The following DLGAP3 variants were observed in gnomAD, a reference collection of about 807,000 sequenced individuals.
DLGAP3 encodes DLG associated protein 3, also known as disks large-associated protein 3.
Under a neutral mutation model 81.2 loss-of-function variants are expected in DLGAP3, and 17 were observed. That is an observed-to-expected ratio of 0.21 (90% CI 0.14 to 0.31). The LOEUF is 0.31. Among genes scored for constraint, DLGAP3 ranks in the 10% least tolerant of loss-of-function variants. DLGAP3 has a pLI of 1.00. For missense variants in DLGAP3, 1,124 were observed against 1,388.0 expected (o/e 0.81, Z 3.02); for synonymous variants, 577 against 587.4 (o/e 0.98, Z 0.26).
At chr1:34,888,645 T>C (rs1639269754) in intron 5 of DLGAP3, among the ~76,000 whole-genome samples, 2 of 152,334 alleles carry the variant, frequency 1.3e-5, no homozygotes, top group South Asian at 4.1e-4. Context: ...TACAAGTGTA[T>C]GGAAATCCCA....
rs1180704987 is a variant in DLGAP3 at position 34,873,967 on chromosome 1, CT to C, written c.2001-4879del. On this transcript the variant is annotated intron_variant, in intron 8 of 11. Coordinates refer to ENST00000373347, the MANE Select transcript of DLGAP3 (RefSeq NM_001080418.3). This position sits in a 1 kb window ranked among gnomAD's most constrained non-coding sequence, Gnocchi z 4.2. ...CACATGGCTACTTTGAATAAAGATT[CT>C]TTCCCAATCTCCCTACCAACTAAAT... Among the ~76,000 whole-genome samples, 1 of 152,218 alleles carries C rather than the reference CT, an allele frequency of 6.6e-6. No homozygotes were observed. The highest frequency in any genetic ancestry group is 1.5e-5 in the Non-Finnish European group (1 of 68,038).
At chr1:34,903,241 T>C (rs1384412776) in intron 3 of DLGAP3, among the ~76,000 whole-genome samples, 1 of 152,200 alleles carries the variant, frequency 6.6e-6, no homozygotes, top group Non-Finnish European at 1.5e-5. Context: ...GTGAGGTGTC[T>C]CCTCTGTGTT....
chr1:34,889,221 C>G (rs11264152), intron 5 of DLGAP3, among the ~76,000 whole-genome samples: 3,850 of 152,226 alleles, frequency 0.025, 172 homozygotes, highest in African/African-American at 0.087. Context: ...TACTCACAAC[C>G]AATTCTATCC....
At position 34,904,411 on chromosome 1, in the gene DLGAP3, G is replaced by C. The variant is rs773700330; in HGVS notation, c.973C>G (p.Gln325Glu). 14 of 1,613,908 alleles carry C rather than the reference G, an allele frequency of 8.7e-6. No individual in the cohort carries two copies. Among genetic ancestry groups the C allele is most frequent in the Admixed American group, 1.7e-5 (1 of 60,014 alleles). ...TGCCAGGCACTTCGCTTGACCGACT[G>C]TCCATCCAGTGACATGGACATGCCA... is the stretch of plus-strand genomic sequence containing the variant. ...CTGMSMSLDG[Q>E]SVKRSAWHTM... The change falls in exon 3 of 12, where the codon CAG becomes GAG. Residue 325 changes from glutamine (Q) to glutamate (E), a missense_variant. Physicochemically the swap from Gln to Glu is conservative, Grantham distance 29 (BLOSUM62 2). Transcript: ENST00000373347. The surrounding 1 kb of genome is among the most constrained non-coding windows in gnomAD (Gnocchi z 8.1).
rs946271191 is a variant in DLGAP3, at chr1:34,904,183, C to A, written c.1107+94G>T. On this transcript the variant is annotated intron_variant, in intron 3 of 11. Coordinates refer to ENST00000373347, the MANE Select transcript of DLGAP3 (RefSeq NM_001080418.3). The surrounding 1 kb of genome is among the most constrained non-coding windows in gnomAD (Gnocchi z 8.1). ...ACACCCAGGCCCTCCATCACAGGGA[C>A]AGCTGGCTCCCACCCAACCCTTTCC... 2 of 1,495,114 alleles carry A rather than the reference C, an allele frequency of 1.3e-6. No individual in the cohort carries two copies. The highest frequency in any genetic ancestry group is 1.8e-6 in the Non-Finnish European group (2 of 1,086,488). 92.6% of individuals were successfully genotyped at this position (1,495,114 alleles called of 1,614,324 possible). A position where few individuals can be genotyped will look rare whatever the true frequency, so the allele number is the denominator to read the frequency against.
At chr1:34,881,939 T>C (rs1281430690) in intron 8 of DLGAP3, among the ~76,000 whole-genome samples, 2 of 152,188 alleles carry the variant, frequency 1.3e-5, no homozygotes, top group African/African-American at 2.4e-5. Flanking sequence ...GCAAACATCA[T>C]CTTGAAAAAC....
intron 1 of DLGAP3, among the ~76,000 whole-genome samples, chr1:34,925,746 G>C (rs566519690): frequency 6.6e-6 from 1 of 152,284 alleles, no homozygotes; most frequent in South Asian, 2.1e-4. Flanking sequence ...AGAAGCAGGG[G>C]CCTTTGGGAG....
At chr1:34,903,278 T>C (rs1486852957) in intron 3 of DLGAP3, among the ~76,000 whole-genome samples, 1 of 152,168 alleles carries the variant, frequency 6.6e-6, no homozygotes, top group Non-Finnish European at 1.5e-5. Flanking sequence ...CTCTCCCCTA[T>C]CACAGCCTCA....
At position 34,895,836 on chromosome 1, in the gene DLGAP3, G is replaced by C. The variant is rs575696853; in HGVS notation, c.1386+3833C>G. 3.3e-5 allele frequency among the ~76,000 whole-genome samples: 5 copies of C among 151,876 alleles called. No individual in the cohort carries two copies. In the South Asian group the frequency reaches 1.0e-3, roughly 32 times the overall value. On this transcript the variant is annotated intron_variant, in intron 5 of 11. Coordinates refer to ENST00000373347, the MANE Select transcript of DLGAP3 (RefSeq NM_001080418.3). The surrounding 1 kb of genome is among the most constrained non-coding windows in gnomAD (Gnocchi z 4.5). ...AAGAAATTTCAATGAGGACATAAAA[G>C]CCTTTTCAACAAATGATGCTGGGAA...
chr1:34,878,079 T>C (rs771197622), intron 8 of DLGAP3, among the ~76,000 whole-genome samples: 7 of 152,066 alleles, frequency 4.6e-5, no homozygotes, highest in Non-Finnish European at 1.0e-4. Context: ...CTGAGCCGGG[T>C]GGATCACCTA....
rs200442780 is a variant in DLGAP3 at position 34,868,707 on chromosome 1, C to T, written c.2383G>A (p.Gly795Ser). Residue 795 changes from glycine (G) to serine (S), a missense_variant, in exon 9 of 12, where the codon GGC (glycine) becomes AGC (serine). Coordinates refer to ENST00000373347, the MANE Select transcript of DLGAP3 (RefSeq NM_001080418.3). The surrounding 1 kb of genome is among the most constrained non-coding windows in gnomAD (Gnocchi z 7.5). ...CGCAGCATCTTGATGAACCACTCGC[C>T]GTCGCGTGGGCAGGGGGATGCGCGG... ...SGRASPCPRD[G>S]EWFIKMLRAE... is the part of the protein sequence containing the mutation. 25 of 1,611,156 alleles carry T rather than the reference C, an allele frequency of 1.6e-5. No homozygotes were observed. The highest frequency in any genetic ancestry group is 6.7e-5 in the Admixed American group (4 of 60,002).
chr1:34,905,996 G>A (rs1639545908), intron 2 of DLGAP3, among the ~76,000 whole-genome samples: 1 of 45,072 alleles, frequency 2.2e-5, no homozygotes. Flanking sequence ...AGGCAACAGA[G>A]CGAGACCTGG....
chr1:34,879,487 G>A (rs901155267), intron 8 of DLGAP3, among the ~76,000 whole-genome samples: 1 of 152,234 alleles, frequency 6.6e-6, no homozygotes, highest in South Asian at 2.1e-4. Context: ...CCTGGTTCCC[G>A]ACAGGCCATG....
At chr1:34,866,398 C>A in intron 11 of DLGAP3, 97 bp from the exon 12 acceptor site, 2 of 1,040,396 alleles carry the variant, frequency 1.9e-6, no homozygotes, top group Non-Finnish European at 2.7e-6. Flanking sequence ...CTGACGACCG[C>A]GTGGCTCCGA....
intron 2 of DLGAP3, among the ~76,000 whole-genome samples, chr1:34,906,422 C>T (rs1011022659): frequency 2.0e-5 from 3 of 152,114 alleles, no homozygotes; most frequent in Non-Finnish European, 2.9e-5. Flanking sequence ...ATCTACATAT[C>T]CAGCACCATC....
rs375121949 is a variant in DLGAP3, at chr1:34,882,226, C to T, written c.2000+2752G>A. On this transcript the variant is annotated intron_variant, in intron 8 of 11. Transcript: ENST00000373347. ...GTGTGGTAGCTCACGCCTGTAATCCCAGCACTTTGGGAGGCCGAGGCGGGC... is the reference window on the plus strand; with the variant it reads ...GTGTGGTAGCTCACGCCTGTAATCCTAGCACTTTGGGAGGCCGAGGCGGGC... 3.0e-3 allele frequency among the ~76,000 whole-genome samples: 450 copies of T among 152,298 alleles called. 1 individual carries two copies. Among genetic ancestry groups the T allele is most frequent in the Middle Eastern group, 0.01 (3 of 294 alleles).
In DLGAP3 at chr1:34,886,253, G is replaced by A. The variant is rs750202941; in HGVS notation, c.1419C>T (p.Ala473=). 2 of 1,606,084 alleles carry A rather than the reference G, an allele frequency of 1.2e-6. No homozygotes were observed. Among genetic ancestry groups the A allele is most frequent in the Non-Finnish European group, 1.7e-6 (2 of 1,176,312 alleles). The change falls in exon 6 of 12, where the codon GCC becomes GCT. Residue 473 remains alanine, a synonymous_variant. Transcript: ENST00000373347. ...GCTCCCCAAACACCGACCCGCACAC[G>A]GCCTCCAGCTGCTGGTTCAACTCAT... is the stretch of plus-strand genomic sequence containing the variant. ...LSDELNQQLE[A]VCGSVFGELE... is the part of the protein sequence containing the mutation.
Position 34,904,179 on chromosome 1 carries a change from G to A in DLGAP3, c.1107+98C>T. 2.7e-6 allele frequency: 4 copies of A among 1,479,316 alleles called. No individual in the cohort carries two copies. Among genetic ancestry groups the A allele is most frequent in the Non-Finnish European group, 3.7e-6 (4 of 1,072,078 alleles). 91.6% of individuals were successfully genotyped at this position (1,479,316 alleles called of 1,614,324 possible). A position where few individuals can be genotyped will look rare whatever the true frequency, so the allele number is the denominator to read the frequency against. On this transcript the variant is annotated intron_variant, in intron 3 of 11. Coordinates refer to ENST00000373347, the MANE Select transcript of DLGAP3 (RefSeq NM_001080418.3). This position sits in a 1 kb window ranked among gnomAD's most constrained non-coding sequence, Gnocchi z 8.1. ...CCCTACACCCAGGCCCTCCATCACAGGGACAGCTGGCTCCCACCCAACCCT... is the reference window on the plus strand; with the variant it reads ...CCCTACACCCAGGCCCTCCATCACAAGGACAGCTGGCTCCCACCCAACCCT...
chr1:34,871,548 C>T (rs1167786063), intron 8 of DLGAP3, among the ~76,000 whole-genome samples: 1 of 152,188 alleles, frequency 6.6e-6, no homozygotes, highest in African/African-American at 2.4e-5. Context: ...TGCATCTTGA[C>T]TTACTTTGAA....
Sources: gnomAD v4.1 joint callset for allele counts (sites outside exome capture counted in the v4.1 genomes callset) on GRCh38, gnomAD v4.1.1 for gene constraint, Gnocchi (gnomAD v3.1) non-coding constraint, MANE v1.5 for transcripts, NCBI Gene and HGNC (gene_info 2026-07-23, HGNC 2026-07-21) for gene names.